UTP20: variants seen among roughly 807,000 people sequenced by gnomAD.
UTP20 encodes the protein UTP20 small subunit processome component.
In UTP20, 164 loss-of-function variants were observed where a neutral mutation model predicts 329.5. The observed-to-expected ratio is 0.50, with a 90% CI of 0.44 to 0.57. UTP20 has a LOEUF of 0.57. Among genes scored for constraint, UTP20 ranks in the 20% least tolerant of loss-of-function variants. The pLI, the probability that UTP20 is intolerant of heterozygous loss-of-function variation, is 0.00. For synonymous variants in UTP20, 1,151 were observed against 1,159.3 expected (o/e 0.99, Z 0.14); for missense variants, 3,055 against 3,284.2 (o/e 0.93, Z 1.71).
At chr12:101,280,758 T>C (rs1241953654) in intron 1 of UTP20, among the ~76,000 whole-genome samples, 1 of 152,136 alleles carries the variant, frequency 6.6e-6, no homozygotes, top group African/African-American at 2.4e-5. Flanking sequence ...CAATCATAGG[T>C]CTGTATATGT....
chr12:101,310,665 T>A (rs912814809), intron 19 of UTP20, among the ~76,000 whole-genome samples: 1 of 151,528 alleles, frequency 6.6e-6, no homozygotes, highest in Non-Finnish European at 1.5e-5. Context: ...ACACACTCAC[T>A]TTTTTTATCA....
intron 25 of UTP20, among the ~76,000 whole-genome samples, chr12:101,326,657 C>T (rs1043770346): frequency 3.3e-5 from 5 of 151,950 alleles, no homozygotes; most frequent in African/African-American, 1.2e-4. Flanking sequence ...ATTAGACTTA[C>T]CTTTGATTTG....
rs1443804450 is a variant in UTP20, at chr12:101,333,178, A to G, written c.3418-123A>G. The G allele has an allele frequency of 1.5e-5, 14 of 923,764 alleles. No homozygotes were observed. In the East Asian group the frequency reaches 3.5e-4, roughly 23 times the overall value. The allele number at this position is 923,764 out of a possible 1,614,324, so 57.2% of individuals were successfully genotyped here. A position where few individuals can be genotyped will look rare whatever the true frequency, so the allele number is the denominator to read the frequency against. On this transcript the variant is annotated intron_variant, in intron 27 of 61. Transcript: ENST00000261637. ...TGGTGTTCCCATGTAAATCAAGTCA[A>G]CAGATTTAGTAACAGGATTTCCAGT...
intron 21 of UTP20, among the ~76,000 whole-genome samples, chr12:101,314,351 G>A (rs1343652202): frequency 6.6e-6 from 1 of 152,088 alleles, no homozygotes; most frequent in Admixed American, 6.6e-5. Flanking sequence ...ATCTGATAGG[G>A]ATGACAGCCT....
In UTP20 at chr12:101,375,215, C is replaced by T. The variant is rs76846237; in HGVS notation, c.7263+276C>T. On this transcript the variant is annotated intron_variant, in intron 55 of 61. Transcript: ENST00000261637. ...TTTCAGGAGGCTGAGGCAGGAGGAC[C>T]GTGCCACTGTACTCCAGCCTGGCTA... Among the ~76,000 whole-genome samples, 1,467 of 151,886 alleles carry T rather than the reference C, an allele frequency of 9.7e-3. 18 individuals are homozygous for T. Among genetic ancestry groups the T allele is most frequent in the East Asian group, 0.077 (398 of 5,158 alleles).
chr12:101,314,199 A>G (rs1057482966), intron 21 of UTP20, among the ~76,000 whole-genome samples: 1 of 152,206 alleles, frequency 6.6e-6, no homozygotes. Flanking sequence ...AATCAAGTGA[A>G]GAGACTAAAG....
intron 12 of UTP20, among the ~76,000 whole-genome samples, chr12:101,296,367 C>T (rs12300442): frequency 0.02 from 2,984 of 152,048 alleles, 109 homozygotes; most frequent in African/African-American, 0.069. Flanking sequence ...GTCAGGAGAT[C>T]GAGACCATCC....
chr12:101,364,550 C>T (rs760039812), intron 45 of UTP20, among the ~76,000 whole-genome samples: 1 of 152,174 alleles, frequency 6.6e-6, no homozygotes, highest in South Asian at 2.1e-4. Flanking sequence ...AGTTCACATT[C>T]CTACCATGGT....
At chr12:101,378,817 G>T (rs1291710254) in intron 56 of UTP20, among the ~76,000 whole-genome samples, 1 of 152,148 alleles carries the variant, frequency 6.6e-6, no homozygotes, top group African/African-American at 2.4e-5. Context: ...TTTGAGGGCT[G>T]TTTATACCCC....
chr12:101,369,474 T>C (rs1042326926), intron 48 of UTP20, among the ~76,000 whole-genome samples: 2 of 152,162 alleles, frequency 1.3e-5, no homozygotes, highest in African/African-American at 4.8e-5. Context: ...TGGTGCCTTT[T>C]CTTATTTCCT....
intron 38 of UTP20, among the ~76,000 whole-genome samples, chr12:101,351,213 G>A (rs1480149182): frequency 3.3e-5 from 5 of 150,712 alleles, no homozygotes; most frequent in African/African-American, 9.8e-5. Context: ...TGCAACCTCC[G>A]CCTCCCGGGA....
At chr12:101,357,306 C>G (rs1869756328) in intron 43 of UTP20, among the ~76,000 whole-genome samples, 3 of 152,084 alleles carry the variant, frequency 2.0e-5, no homozygotes, top group Admixed American at 2.0e-4. Context: ...GTTACATGAC[C>G]TATTTTTTTC....
In UTP20 at chr12:101,292,117, A is replaced by C; in HGVS notation, c.1173+13A>C. The stretch of plus-strand genomic sequence containing the variant: ...AACCATAGAAAAAGTAATTTACTTC[A>C]ACAAATATTAATTGAGCAGTTAATA... On this transcript the variant is annotated intron_variant, in intron 10 of 61. Transcript: ENST00000261637. 25 of 1,611,322 alleles carry C rather than the reference A, an allele frequency of 1.6e-5. No homozygotes were observed. The highest frequency in any genetic ancestry group is 2.0e-5 in the Non-Finnish European group (23 of 1,179,044).
At chr12:101,372,803 G>A (rs1232428613) in intron 51 of UTP20, 81 bp from the exon 52 acceptor site, 7 of 1,148,610 alleles carry the variant, frequency 6.1e-6, no homozygotes, top group Non-Finnish European at 9.1e-6. Context: ...TAACCTACCA[G>A]TGAGTTCCAG....
intron 33 of UTP20, 65 bp downstream of exon 33, chr12:101,342,654 C>A: frequency 1.3e-6 from 2 of 1,549,498 alleles, no homozygotes; most frequent in Non-Finnish European, 1.8e-6. Context: ...ACTTGTAAAC[C>A]ATATTAGGGG....
At chr12:101,359,634 T>C (rs560489576) in intron 43 of UTP20, among the ~76,000 whole-genome samples, 19 of 152,202 alleles carry the variant, frequency 1.2e-4, no homozygotes, top group Non-Finnish European at 2.5e-4. Flanking sequence ...GAGTTTCTTA[T>C]TTCAGTTTTT....
At chr12:101,355,192 CTTGGTGATTATTGATTGATTTCAGCTT>C (rs1462307882) in intron 41 of UTP20, 74 bp downstream of exon 41, 29 of 1,488,236 alleles carry the variant, frequency 1.9e-5, no homozygotes, top group Non-Finnish European at 2.5e-5. Context: ...CACTGAGGCT[CTTGGTGATTATTGATTGATTTCAGCTT>C]TTAGATTTCC....
intron 18 of UTP20, among the ~76,000 whole-genome samples, chr12:101,308,760 T>A (rs923256419): frequency 2.7e-5 from 4 of 146,692 alleles, no homozygotes. Flanking sequence ...GGAGATGGAG[T>A]CTCGCTCTGT....
chr12:101,377,352 G>A (rs1176374267), intron 56 of UTP20, among the ~76,000 whole-genome samples: 1 of 151,440 alleles, frequency 6.6e-6, no homozygotes, highest in African/African-American at 2.4e-5. Flanking sequence ...TTTTTTTTGA[G>A]ATGGAGTCTC....
Sources: gnomAD v4.1 joint callset for allele counts (sites outside exome capture counted in the v4.1 genomes callset) on GRCh38, gnomAD v4.1.1 for gene constraint, MANE v1.5 for transcripts, NCBI Gene and HGNC (gene_info 2026-07-23, HGNC 2026-07-21) for gene names.